Variants in DSCAM observed in about 807,000 individuals in gnomAD.
The protein encoded by DSCAM is DS cell adhesion molecule, also known as cell adhesion molecule DSCAM.
A neutral mutation model predicts 217.7 loss-of-function variants in DSCAM; 47 were observed. The ratio of observed to expected loss-of-function variants is 0.22; its 90% CI spans 0.17 to 0.28. The LOEUF is 0.28. Ranked by LOEUF, DSCAM falls within the 10% of genes least tolerant of loss-of-function variation. The pLI, the probability that DSCAM is intolerant of heterozygous loss-of-function variation, is 1.00. For synonymous variants in DSCAM, 1,056 were observed against 1,015.3 expected (o/e 1.04, Z -0.76); for missense variants, 2,080 against 2,618.3 (o/e 0.79, Z 4.49).
chr21:40,306,130 T>C (rs1267678270), intron 9 of DSCAM, among the ~76,000 whole-genome samples: 1 of 151,676 alleles, frequency 6.6e-6, no homozygotes, highest in African/African-American at 2.4e-5. Flanking sequence ...AGCAGCGGTT[T>C]GTAGTTCTCC....
chr21:40,599,704 A>T (rs1055663340), intron 3 of DSCAM, among the ~76,000 whole-genome samples: 7 of 152,226 alleles, frequency 4.6e-5, no homozygotes, highest in African/African-American at 1.7e-4. Context: ...CAAAATAGAT[A>T]GATTGCTAGA....
chr21:40,256,666 C>T (rs143681166), intron 11 of DSCAM, among the ~76,000 whole-genome samples: 327 of 152,216 alleles, frequency 2.1e-3, no homozygotes, highest in Non-Finnish European at 3.6e-3. Flanking sequence ...GAAGCCCACC[C>T]GCATTATGAA....
chr21:40,133,869 G>A lies in DSCAM; in HGVS notation c.3547C>T (p.Arg1183Trp), dbSNP rs757585158. 9.3e-6 allele frequency: 15 copies of A among 1,608,436 alleles called. No individual in the cohort carries two copies. Among genetic ancestry groups the A allele is most frequent in the Admixed American group, 5.1e-5 (3 of 59,248 alleles). Residue 1183 changes from arginine to tryptophan, a missense_variant, in exon 19 of 33, where the codon CGG becomes TGG. Coordinates refer to ENST00000400454, the MANE Select transcript of DSCAM (RefSeq NM_001389.5). ...DGVRSEQIFTRTKEDVPGPPA... is the reference protein window; with the variant it reads ...DGVRSEQIFTWTKEDVPGPPA... Reference sequence around the variant, plus strand: ...CGTCTCTCACCATCCTCTTTGGTCCGGGTGAAGATCTGCTCACTCCTGACC... The same window carrying A: ...CGTCTCTCACCATCCTCTTTGGTCCAGGTGAAGATCTGCTCACTCCTGACC...
chr21:40,794,483 T>A (rs1487702587), intron 1 of DSCAM, among the ~76,000 whole-genome samples: 1 of 150,758 alleles, frequency 6.6e-6, no homozygotes, highest in Admixed American at 6.6e-5. Flanking sequence ...TGTTTTGCGA[T>A]ATACTGCACC....
intron 3 of DSCAM, among the ~76,000 whole-genome samples, chr21:40,504,105 G>A (rs2076191626): frequency 6.6e-6 from 1 of 152,072 alleles, no homozygotes; most frequent in Non-Finnish European, 1.5e-5. Context: ...TGTTCTATCT[G>A]GCCAGCTCTA....
intron 3 of DSCAM, among the ~76,000 whole-genome samples, chr21:40,385,879 A>G (rs1459858179): frequency 6.6e-6 from 1 of 152,234 alleles, no homozygotes. Flanking sequence ...TGCAAAGTAT[A>G]AAATAAAGAG....
chr21:40,042,556 A>G lies in DSCAM; in HGVS notation c.5501T>C (p.Ile1834Thr), dbSNP rs1408508959. 1 of 1,614,164 alleles carries G rather than the reference A, an allele frequency of 6.2e-7. No homozygotes were observed. Among genetic ancestry groups the G allele is most frequent in the Non-Finnish European group, 8.5e-7 (1 of 1,180,034 alleles). ...CGTGTCTGATATGAAGCACTCCGTG[A>G]TGGTGAACTTGGCGTGCCTCAGTTG... is the stretch of plus-strand genomic sequence containing the variant. ...EEQLRHAKFT[I>T]TECFISDTSS... Residue 1834 changes from isoleucine to threonine, a missense_variant, in exon 32 of 33, where the codon ATC becomes ACC. By Grantham distance (89) the Ile-to-Thr change is moderately conservative (BLOSUM62 -1). Transcript: ENST00000400454.
At chr21:40,048,508 A>T (rs973151708) in intron 30 of DSCAM, among the ~76,000 whole-genome samples, 12 of 152,214 alleles carry the variant, frequency 7.9e-5, no homozygotes, top group African/African-American at 2.9e-4. Context: ...AATTGTTATG[A>T]TTTCTTCCAT....
intron 20 of DSCAM, among the ~76,000 whole-genome samples, chr21:40,102,662 A>G (rs758392719): frequency 2.0e-5 from 3 of 152,198 alleles, no homozygotes; most frequent in Non-Finnish European, 2.9e-5. Context: ...AATAAGATAT[A>G]ATTAGCCACA....
chr21:40,484,529 A>T (rs922783037), intron 3 of DSCAM, among the ~76,000 whole-genome samples: 2 of 152,218 alleles, frequency 1.3e-5, no homozygotes, highest in Non-Finnish European at 2.9e-5. Context: ...TTCATGAATG[A>T]GTTAAATAAA....
chr21:40,428,274 G>C (rs987278555), intron 3 of DSCAM, among the ~76,000 whole-genome samples: 3 of 148,424 alleles, frequency 2.0e-5, no homozygotes, highest in African/African-American at 7.6e-5. Flanking sequence ...GTGTGTGTGT[G>C]TGTGTGTGTG....
At chr21:40,765,015 C>G (rs993408896) in intron 1 of DSCAM, among the ~76,000 whole-genome samples, 2 of 151,504 alleles carry the variant, frequency 1.3e-5, no homozygotes, top group Non-Finnish European at 2.9e-5. Flanking sequence ...GGCTTAAAAC[C>G]GAGATGGGTT....
In DSCAM at chr21:40,715,982, T is replaced by C. The variant is rs1273935386; in HGVS notation, c.44-7211A>G. ...GCTTAATTAAATGTATAGTTTCTTA[T>C]TGAAAATCTCATTCCACAAGCCAGC... On this transcript the variant is annotated intron_variant, in intron 1 of 32. Coordinates refer to ENST00000400454, the MANE Select transcript of DSCAM (RefSeq NM_001389.5). Among the ~76,000 whole-genome samples, 4 of 152,348 alleles carry C rather than the reference T, an allele frequency of 2.6e-5. No homozygotes were observed. In the East Asian group the frequency reaches 5.8e-4, roughly 22 times the overall value.
At chr21:40,184,544 G>A (rs1189768215) in intron 14 of DSCAM, among the ~76,000 whole-genome samples, 1 of 152,080 alleles carries the variant, frequency 6.6e-6, no homozygotes, top group East Asian at 1.9e-4. Flanking sequence ...GGGCATGAAG[G>A]ATGGAAAAGA....
chr21:40,190,097 A>G (rs1373682973), intron 11 of DSCAM, among the ~76,000 whole-genome samples: 1 of 152,208 alleles, frequency 6.6e-6, no homozygotes, highest in Non-Finnish European at 1.5e-5. Flanking sequence ...TCCTTCTTCC[A>G]TAACTTATAG....
intron 11 of DSCAM, among the ~76,000 whole-genome samples, chr21:40,273,998 T>A (rs1416615454): frequency 6.6e-6 from 1 of 152,106 alleles, no homozygotes; most frequent in Non-Finnish European, 1.5e-5. Context: ...TTCCACACGG[T>A]CACTGATTCT....
chr21:40,573,973 GA>G (rs1244188383), intron 3 of DSCAM, among the ~76,000 whole-genome samples: 1 of 151,284 alleles, frequency 6.6e-6, no homozygotes. Flanking sequence ...TACAGAAATG[GA>G]ATTTGTAATC....
intron 3 of DSCAM, among the ~76,000 whole-genome samples, chr21:40,497,176 C>T (rs947552570): frequency 6.6e-6 from 1 of 152,082 alleles, no homozygotes; most frequent in African/African-American, 2.4e-5. Flanking sequence ...ATCAGCGTAT[C>T]GAAGAGATAT....
rs368475232 is a variant in DSCAM, at chr21:40,438,805, G to C, written c.509-69560C>G. 1.5e-4 allele frequency among the ~76,000 whole-genome samples: 23 copies of C among 152,272 alleles called. No individual in the cohort carries two copies. In the South Asian group the frequency reaches 3.7e-3, roughly 25 times the overall value. On this transcript the variant is annotated intron_variant, in intron 3 of 32. Transcript: ENST00000400454. Reference sequence around the variant, plus strand: ...CACGAGGCACTGTAACATACATGCTGAGAGCTTGGTTCCTGGAGTTGGATT... The same window carrying C: ...CACGAGGCACTGTAACATACATGCTCAGAGCTTGGTTCCTGGAGTTGGATT...
Sources: gnomAD v4.1 joint callset for allele counts (sites outside exome capture counted in the v4.1 genomes callset) on GRCh38, gnomAD v4.1.1 for gene constraint, MANE v1.5 for transcripts, NCBI Gene and HGNC (gene_info 2026-07-23, HGNC 2026-07-21) for gene names.